Variants in ITGB5 observed in about 807,000 individuals in gnomAD.
ITGB5 encodes integrin subunit beta 5.
A neutral mutation model predicts 84.8 loss-of-function variants in ITGB5; 38 were observed. The ratio of observed to expected loss-of-function variants is 0.45; its 90% CI spans 0.35 to 0.59. The LOEUF (loss-of-function observed/expected upper bound fraction) is 0.59. Ranked by LOEUF, ITGB5 falls within the 20% of genes least tolerant of loss-of-function variation. ITGB5 has a pLI of 0.01. For missense variants in ITGB5, 905 were observed against 1,034.5 expected (o/e 0.87, Z 1.72); for synonymous variants, 393 against 414.4 (o/e 0.95, Z 0.63).
rs766304520 is a variant in ITGB5 at position 124,851,649 on chromosome 3, A to T, written c.362-3091T>A. Among the ~76,000 whole-genome samples, 3 of 151,418 alleles carry T rather than the reference A, an allele frequency of 2.0e-5. No homozygotes were observed. In the Admixed American group the frequency reaches 2.0e-4, roughly 10 times the overall value. On this transcript the variant is annotated intron_variant, in intron 3 of 14. Transcript: ENST00000296181. ...CACACACACACACACACACGCACAC[A>T]TCCCTTCCCAAAGGAAGGCTGCAGT...
At chr3:124,892,527 T>TAA (rs34284622), upstream of ITGB5, among the ~76,000 whole-genome samples, 749 of 106,224 alleles carry the variant, frequency 7.1e-3, 9 homozygotes, top group South Asian at 0.034. Context: ...CCATCTCTAT[T>TAA]AAAAAAAAAA....
At chr3:124,885,187 T>C (rs113288984) in intron 1 of ITGB5, among the ~76,000 whole-genome samples, 7 of 152,250 alleles carry the variant, frequency 4.6e-5, no homozygotes, top group African/African-American at 1.7e-4. Flanking sequence ...GGAGAATTGC[T>C]TGAACCTGGG....
chr3:124,894,931 C>T (rs1024692840), intron 1 of ITGB5, among the ~76,000 whole-genome samples: 11 of 151,596 alleles, frequency 7.3e-5, no homozygotes, highest in African/African-American at 2.7e-4. Context: ...AAAAAAAAAT[C>T]CCCCCTCCCC....
At chr3:124,841,634 T>C in intron 4 of ITGB5, 83 bp from the exon 5 acceptor site, 5 of 1,375,030 alleles carry the variant, frequency 3.6e-6, no homozygotes, top group Non-Finnish European at 4.0e-6. Context: ...ACTGAGTGCC[T>C]TGAGAGGCAC....
At chr3:124,886,730 A>T (rs1460355979) in intron 1 of ITGB5, among the ~76,000 whole-genome samples, 1 of 151,726 alleles carries the variant, frequency 6.6e-6, no homozygotes, top group Non-Finnish European at 1.5e-5. Flanking sequence ...GGGAGGGAAC[A>T]GGAGACTCAC....
intron 10 of ITGB5, among the ~76,000 whole-genome samples, chr3:124,787,158 A>G (rs2064093439): frequency 6.6e-6 from 1 of 152,190 alleles, no homozygotes; most frequent in African/African-American, 2.4e-5. Flanking sequence ...CACACACAGA[A>G]TCCTCGCCAC....
chr3:124,888,579 C>G (rs1386296129), upstream of ITGB5, among the ~76,000 whole-genome samples: 1 of 152,190 alleles, frequency 6.6e-6, no homozygotes, highest in African/African-American at 2.4e-5. Context: ...AGGCACTGTT[C>G]TAAGTCCTTT....
intron 1 of ITGB5, among the ~76,000 whole-genome samples, chr3:124,885,219 G>A (rs1314143904): frequency 6.6e-6 from 1 of 151,958 alleles, no homozygotes; most frequent in Admixed American, 6.6e-5. Flanking sequence ...GCAGTGAGCC[G>A]AGATGGCACC....
At position 124,766,242 on chromosome 3, in the gene ITGB5, G is replaced by C. The variant is rs36089753; in HGVS notation, c.2121C>G (p.Thr707=). The C allele has an allele frequency of 2.1e-5, 34 of 1,613,888 alleles. No individual in the cohort carries two copies. The highest frequency in any genetic ancestry group is 2.9e-5 in the Non-Finnish European group (34 of 1,179,920). ...CTCACCTACCTGGCTCCCTGAGGAC[G>C]GTCAGGTTGGACTTCCCACTGGGGA... ...VELPSGKSNL[T]VLREPECGNT... The change falls in exon 13 of 15, where the codon ACC becomes ACG. Residue 707 remains threonine (T), a synonymous_variant. Coordinates refer to ENST00000296181, the MANE Select transcript of ITGB5 (RefSeq NM_002213.5).
chr3:124,797,503 C>G (rs995307198), intron 9 of ITGB5, among the ~76,000 whole-genome samples: 1 of 152,252 alleles, frequency 6.6e-6, no homozygotes, highest in Non-Finnish European at 1.5e-5. Context: ...GCACCATGCA[C>G]ATGGACAGAC....
intron 11 of ITGB5, among the ~76,000 whole-genome samples, chr3:124,771,717 C>T (rs144240987): frequency 1.7e-4 from 22 of 131,614 alleles, no homozygotes; most frequent in African/African-American, 5.9e-4. Flanking sequence ...CATTGCACTC[C>T]AGCCTGGGTG....
At chr3:124,861,497 C>T (rs9874370) in intron 2 of ITGB5, among the ~76,000 whole-genome samples, 308 of 114,624 alleles carry the variant, frequency 2.7e-3, no homozygotes, top group African/African-American at 7.3e-3. Context: ...TATATATATA[C>T]ACACACACAC....
chr3:124,842,154 C>T (rs930502396), intron 4 of ITGB5, among the ~76,000 whole-genome samples: 2 of 152,168 alleles, frequency 1.3e-5, no homozygotes, highest in Admixed American at 6.5e-5. Flanking sequence ...AAATATTGTA[C>T]CAACAAACTA....
intron 10 of ITGB5, among the ~76,000 whole-genome samples, chr3:124,790,549 G>A: frequency 6.6e-6 from 1 of 152,168 alleles, no homozygotes; most frequent in African/African-American, 2.4e-5. Flanking sequence ...TAACAGAACT[G>A]CCTTTGACTA....
intron 8 of ITGB5, among the ~76,000 whole-genome samples, chr3:124,810,335 G>C (rs1469184559): frequency 2.0e-5 from 3 of 152,198 alleles, no homozygotes; most frequent in Non-Finnish European, 2.9e-5. Flanking sequence ...CGATGGAAGA[G>C]GGCAGAATAG....
intron 9 of ITGB5, among the ~76,000 whole-genome samples, chr3:124,803,438 A>G (rs1288528986): frequency 2.6e-5 from 4 of 152,216 alleles, no homozygotes; most frequent in African/African-American, 4.8e-5. Flanking sequence ...AGAGGCAGAC[A>G]GCAGCAGTAA....
At chr3:124,873,852 C>A in intron 1 of ITGB5, among the ~76,000 whole-genome samples, 1 of 149,704 alleles carries the variant, frequency 6.7e-6, no homozygotes, top group African/African-American at 2.5e-5. Flanking sequence ...TTAGTCTATC[C>A]AAAATGACAA....
At chr3:124,867,308 TG>T (rs1367293586) in intron 2 of ITGB5, among the ~76,000 whole-genome samples, 6 of 152,194 alleles carry the variant, frequency 3.9e-5, no homozygotes, top group Non-Finnish European at 7.3e-5. Context: ...TCCACAGTGG[TG>T]GCCTTGCCTA....
At position 124,873,454 on chromosome 3, in the gene ITGB5, A is replaced by C; in HGVS notation, c.148T>G (p.Ser50Ala). ...LLIHPKCAWCSKEDFGSPRSI... is the reference protein window; with the variant it reads ...LLIHPKCAWCAKEDFGSPRSI... ...CTCCCCCACCTACATACCTCTTTGG[A>C]GCACCAGGCACATTTTGGGTGGATT... is the stretch of plus-strand genomic sequence containing the variant. The change falls in exon 2 of 15, where the codon TCC (serine) becomes GCC (alanine). Residue 50 changes from serine to alanine, a missense_variant. Physicochemically the swap from Ser to Ala is moderately conservative, Grantham distance 99 (BLOSUM62 1). Transcript: ENST00000296181. 1 of 1,611,412 alleles carries C rather than the reference A, an allele frequency of 6.2e-7. No homozygotes were observed. The highest frequency in any genetic ancestry group is 8.5e-7 in the Non-Finnish European group (1 of 1,178,046).
Sources: allele counts gnomAD v4.1 joint callset (sites outside exome capture counted in the v4.1 genomes callset), GRCh38; gene constraint gnomAD v4.1.1; transcripts MANE v1.5; gene names NCBI Gene and HGNC (gene_info 2026-07-23, HGNC 2026-07-21).